The following ADAMTS12 variants were observed in gnomAD, a reference collection of about 807,000 sequenced individuals.
ADAMTS12 encodes A disintegrin and metalloproteinase with thrombospondin motifs 12.
Under a neutral mutation model 167.8 loss-of-function variants are expected in ADAMTS12, and 118 were observed. The observed-to-expected ratio is 0.70, with a 90% CI of 0.61 to 0.82. ADAMTS12 has a LOEUF of 0.82. ADAMTS12 is among the 40% of genes least tolerant of loss of function. The probability of loss-of-function intolerance (pLI) is 0.00; values close to 1 mark genes in which losing one functional copy is unlikely to be tolerated. For synonymous variants in ADAMTS12, 704 were observed against 716.9 expected, an observed-to-expected ratio of 0.98 and a Z score of 0.29; for missense variants, 1,916 against 1,998.8, an observed-to-expected ratio of 0.96 and a Z score of 0.79.
At chr5:33,633,706 G>T (rs1740063274) in intron 12 of ADAMTS12, among the ~76,000 whole-genome samples, 1 of 152,092 alleles carries the variant, frequency 6.6e-6, no homozygotes. Flanking sequence ...ACAGGGATCT[G>T]CAGGAGGAGG....
intron 18 of ADAMTS12, among the ~76,000 whole-genome samples, chr5:33,586,251 A>C (rs1329323996): frequency 6.6e-6 from 1 of 152,230 alleles, no homozygotes; most frequent in East Asian, 1.9e-4. Context: ...AGAATGTCAA[A>C]GACATTTCAT....
rs1051675982 is a variant in ADAMTS12 at position 33,524,639 on chromosome 5, A to C, written c.*2549T>G. 4 of 152,224 alleles carry C rather than the reference A, an allele frequency of 2.6e-5. No individual in the cohort carries two copies. The highest frequency in any genetic ancestry group is 9.6e-5 in the African/African-American group (4 of 41,454). The allele number at this position is 152,224 out of a possible 1,614,324, so 9.4% of individuals were successfully genotyped here. A position where few individuals can be genotyped will look rare whatever the true frequency, so the allele number is the denominator to read the frequency against. ...CTGAGTCCCCTCTTGTACAGCAAGC[A>C]CTGGGACATGTCAAAATACTGACGA... On this transcript the variant is annotated 3_prime_UTR_variant, in exon 24 of 24. Transcript: ENST00000504830.
chr5:33,849,151 AAT>A (rs772180373), intron 2 of ADAMTS12, among the ~76,000 whole-genome samples: 2 of 59,834 alleles, frequency 3.3e-5, no homozygotes, highest in Admixed American at 1.6e-4. Flanking sequence ...ATTGCATAGC[AAT>A]ATATATATGT....
At chr5:33,836,124 G>C (rs1351419457) in intron 2 of ADAMTS12, among the ~76,000 whole-genome samples, 1 of 152,152 alleles carries the variant, frequency 6.6e-6, no homozygotes, top group African/African-American at 2.4e-5. Flanking sequence ...ATTCCCTCAA[G>C]TGAAAAAGCC....
chr5:33,890,908 C>T (rs987707956), intron 1 of ADAMTS12, among the ~76,000 whole-genome samples: 2 of 152,142 alleles, frequency 1.3e-5, no homozygotes, highest in African/African-American at 4.8e-5. Flanking sequence ...TGCCAGTGAT[C>T]GGATGGGCTG....
intron 22 of ADAMTS12, among the ~76,000 whole-genome samples, chr5:33,543,159 C>A (rs1479797830): frequency 6.6e-6 from 1 of 152,064 alleles, no homozygotes; most frequent in African/African-American, 2.4e-5. Flanking sequence ...CAAATAGACG[C>A]AATAAAAAAT....
At chr5:33,555,751 T>C (rs767212460) in intron 20 of ADAMTS12, among the ~76,000 whole-genome samples, 12 of 152,240 alleles carry the variant, frequency 7.9e-5, no homozygotes, top group Non-Finnish European at 1.8e-4. Context: ...CTCTAAGCCC[T>C]AGTTTCCTTA....
intron 3 of ADAMTS12, among the ~76,000 whole-genome samples, chr5:33,700,234 A>T (rs1428579800): frequency 6.6e-6 from 1 of 152,250 alleles, no homozygotes; most frequent in Non-Finnish European, 1.5e-5. Context: ...ACTTATGTCC[A>T]CATAAAAATC....
chr5:33,874,052 C>A (rs1750136017), intron 2 of ADAMTS12, among the ~76,000 whole-genome samples: 2 of 151,566 alleles, frequency 1.3e-5, no homozygotes, highest in Non-Finnish European at 2.9e-5. Flanking sequence ...AAGGAATTAC[C>A]CATGAAAGAA....
chr5:33,716,044 T>C (rs369710550), intron 3 of ADAMTS12, among the ~76,000 whole-genome samples: 1 of 152,204 alleles, frequency 6.6e-6, no homozygotes, highest in East Asian at 1.9e-4. Flanking sequence ...TAAGATGCTA[T>C]GATCTGAATT....
chr5:33,850,753 G>T (rs1031654887), intron 2 of ADAMTS12, among the ~76,000 whole-genome samples: 4 of 152,088 alleles, frequency 2.6e-5, no homozygotes, highest in African/African-American at 9.7e-5. Context: ...TTCCCATCCT[G>T]CTGGTCCCTG....
At chr5:33,567,876 T>C (rs1243775059) in intron 19 of ADAMTS12, among the ~76,000 whole-genome samples, 2 of 152,166 alleles carry the variant, frequency 1.3e-5, no homozygotes, top group African/African-American at 4.8e-5. Context: ...GGTAATATTT[T>C]CTGACTTGCA....
chr5:33,642,169 C>T (rs574422596), intron 10 of ADAMTS12, among the ~76,000 whole-genome samples: 1 of 152,280 alleles, frequency 6.6e-6, no homozygotes, highest in East Asian at 1.9e-4. Context: ...GGAAACTTTA[C>T]GTTGCCTAAT....
chr5:33,535,083 G>A, intron 22 of ADAMTS12, 91 bp from the exon 23 acceptor site: 1 of 1,333,010 alleles, frequency 7.5e-7, no homozygotes, highest in Non-Finnish European at 1.0e-6. Flanking sequence ...CTGTGGTCAA[G>A]AATGGAAACA....
chr5:33,657,411 C>T (rs1281732547), intron 7 of ADAMTS12, among the ~76,000 whole-genome samples: 1 of 152,128 alleles, frequency 6.6e-6, no homozygotes, highest in Non-Finnish European at 1.5e-5. Context: ...CACCCAGTTT[C>T]CTATTAGTAT....
In ADAMTS12 at chr5:33,624,269, T is replaced by C. The variant is rs776804908; in HGVS notation, c.2105A>G (p.Gln702Arg). The C allele has an allele frequency of 1.2e-5, 20 of 1,614,152 alleles. No homozygotes were observed. Among genetic ancestry groups the C allele is most frequent in the Non-Finnish European group, 1.6e-5 (19 of 1,179,994 alleles). The change falls in exon 14 of 24, where the codon CAG (glutamine) becomes CGG (arginine). Residue 702 changes from glutamine (Q) to arginine (R), a missense_variant. Gln to Arg is a conservative substitution (Grantham distance 43, BLOSUM62 1). Coordinates refer to ENST00000504830, the MANE Select transcript of ADAMTS12 (RefSeq NM_030955.4). ...CTGCTTAAACATCTTTCTCACAGTC[T>C]GGCAGGAAGAGCCATCTCCCAGGCA... ...GVCLGDGSSCQTVRKMFKQKE... is the reference protein window; with the variant it reads ...GVCLGDGSSCRTVRKMFKQKE...
intron 12 of ADAMTS12, among the ~76,000 whole-genome samples, chr5:33,634,672 C>T (rs1166286310): frequency 1.3e-5 from 2 of 152,024 alleles, no homozygotes; most frequent in African/African-American, 4.8e-5. Context: ...TATTCTTGTA[C>T]TTTCTAATAC....
chr5:33,545,322 T>C (rs1356794007), intron 22 of ADAMTS12, among the ~76,000 whole-genome samples: 1 of 152,118 alleles, frequency 6.6e-6, no homozygotes, highest in Admixed American at 6.5e-5. Flanking sequence ...TACCATCTCA[T>C]GCCAGTTAGA....
chr5:33,778,314 A>G (rs75477343), intron 2 of ADAMTS12, among the ~76,000 whole-genome samples: 4,556 of 152,282 alleles, frequency 0.03, 194 homozygotes, highest in East Asian at 0.14. Context: ...TACTGGCATT[A>G]AAAAAGGACA....
Sources: allele counts gnomAD v4.1 joint callset (sites outside exome capture counted in the v4.1 genomes callset), GRCh38; gene constraint gnomAD v4.1.1; transcripts MANE v1.5; gene names NCBI Gene and HGNC (gene_info 2026-07-23, HGNC 2026-07-21).